The following PRKG1 variants were observed in gnomAD, a reference collection of about 807,000 sequenced individuals.
PRKG1 encodes protein kinase cGMP-dependent 1.
PRKG1 carries 35 observed loss-of-function variants against 88.1 expected under a neutral mutation model. The ratio of observed to expected loss-of-function variants is 0.40; its 90% CI spans 0.30 to 0.53. PRKG1 has a LOEUF of 0.53. Among genes scored for constraint, PRKG1 ranks in the 20% least tolerant of loss-of-function variants. PRKG1 has a pLI of 0.59. For synonymous variants in PRKG1, 303 were observed against 292.5 expected, an observed-to-expected ratio of 1.04 and a Z score of -0.37; for missense variants, 540 against 839.8, an observed-to-expected ratio of 0.64 and a Z score of 4.41.
intron 7 of PRKG1, among the ~76,000 whole-genome samples, chr10:52,063,922 T>C (rs1244521979): frequency 6.6e-6 from 1 of 152,192 alleles, no homozygotes; most frequent in African/African-American, 2.4e-5. Flanking sequence ...TGGTTAAGCC[T>C]GGGGCTTTTA....
At chr10:52,008,676 T>G (rs1589512051) in intron 5 of PRKG1, among the ~76,000 whole-genome samples, 1 of 152,128 alleles carries the variant, frequency 6.6e-6, no homozygotes, top group African/African-American at 2.4e-5. Flanking sequence ...CACAGCCAAA[T>G]TCTACAAGAT....
chr10:51,739,960 T>A (rs1837389798), intron 3 of PRKG1, among the ~76,000 whole-genome samples: 1 of 152,116 alleles, frequency 6.6e-6, no homozygotes, highest in African/African-American at 2.4e-5. Flanking sequence ...AAAATAGTAG[T>A]ACAGAGATTT....
At chr10:51,705,250 A>G (rs1412677613) in intron 3 of PRKG1, among the ~76,000 whole-genome samples, 2 of 152,140 alleles carry the variant, frequency 1.3e-5, no homozygotes, top group Non-Finnish European at 2.9e-5. Flanking sequence ...CTGGTTTGGT[A>G]CTCATTATCT....
intron 5 of PRKG1, among the ~76,000 whole-genome samples, chr10:52,053,318 A>G (rs1356583139): frequency 6.6e-6 from 1 of 152,184 alleles, no homozygotes; most frequent in African/African-American, 2.4e-5. Flanking sequence ...AACTTTCTAG[A>G]TACTCTAAGA....
intron 3 of PRKG1, chr10:51,697,275 A>G (rs1397419969): frequency 3.7e-5 from 6 of 160,272 alleles, no homozygotes; most frequent in Non-Finnish European, 6.8e-5. Context: ...GTAAACTTTT[A>G]TTTTGTTATA....
In PRKG1 at chr10:51,137,137, G is replaced by C. The variant is rs191999253; in HGVS notation, c.312-16027G>C. ...CCTGACCTCCTGATCCGCCTGCCTC[G>C]GCCTCCCAAAGTGCTGGGATTACAG... On this transcript the variant is annotated intron_variant, in intron 1 of 17. Transcript: ENST00000373980. Among the ~76,000 whole-genome samples the C allele has an allele frequency of 4.9e-4, 74 of 152,000 alleles. No homozygotes were observed. The East Asian group carries it at 0.014, about 28-fold the overall frequency.
At chr10:51,223,018 G>C (rs1373686531) in intron 2 of PRKG1, among the ~76,000 whole-genome samples, 1 of 151,672 alleles carries the variant, frequency 6.6e-6, no homozygotes, top group Non-Finnish European at 1.5e-5. Context: ...GTGTGGCGGG[G>C]GGTGGTGCGG....
Position 50,991,372 on chromosome 10 carries a change from T to G in PRKG1, c.-7T>G. ...GAAAAAGTTTCGCGGAGGGGCTCAG[T>G]GAAAAAATGAGCGAGCTAGAGGAAG... On this transcript the variant is annotated 5_prime_UTR_variant, in exon 1 of 18. Transcript: ENST00000401604. The surrounding 1 kb of genome is among the most constrained non-coding windows in gnomAD (Gnocchi z 4.5). 1 of 1,515,482 alleles carries G rather than the reference T, an allele frequency of 6.6e-7. No homozygotes were observed. The highest frequency in any genetic ancestry group is 8.8e-7 in the Non-Finnish European group (1 of 1,131,056). The allele number at this position is 1,515,482 out of a possible 1,614,324, so 93.9% of individuals were successfully genotyped here.
Position 51,664,110 on chromosome 10 carries a change from A to T in PRKG1, c.593-140475A>T, listed in dbSNP as rs188583335. Among the ~76,000 whole-genome samples the T allele has an allele frequency of 3.8e-3, 576 of 152,208 alleles. 6 individuals carry two copies. The highest frequency in any genetic ancestry group is 0.013 in the African/African-American group (535 of 41,540). The stretch of plus-strand genomic sequence containing the variant: ...CTACCCAGTGGGTTCATTTTGCTGG[A>T]ATACAATTTATATTTTCTTGAGTGA... On this transcript the variant is annotated intron_variant, in intron 3 of 17. Coordinates refer to ENST00000373980, the MANE Select transcript of PRKG1 (RefSeq NM_006258.4).
intron 5 of PRKG1, 125 bp downstream of exon 5, chr10:51,907,695 A>T: frequency 1.3e-6 from 1 of 753,100 alleles, no homozygotes. Context: ...AAGCTCTGGG[A>T]TGAGCTATAT....
chr10:51,350,689 A>G (rs1564457480), intron 2 of PRKG1, among the ~76,000 whole-genome samples: 1 of 152,220 alleles, frequency 6.6e-6, no homozygotes, highest in African/African-American at 2.4e-5. Flanking sequence ...TAAAGACTCT[A>G]CAAGAAAACT....
At chr10:51,750,841 C>T (rs1172496707) in intron 3 of PRKG1, among the ~76,000 whole-genome samples, 1 of 151,986 alleles carries the variant, frequency 6.6e-6, no homozygotes, top group Non-Finnish European at 1.5e-5. Flanking sequence ...TACCCATTAA[C>T]AACCCCTTTC....
intron 5 of PRKG1, among the ~76,000 whole-genome samples, chr10:52,008,890 A>G (rs1004025737): frequency 6.6e-6 from 1 of 152,202 alleles, no homozygotes; most frequent in African/African-American, 2.4e-5. Context: ...ATGCAAATCA[A>G]TAAATGTGAC....
At chr10:51,699,978 A>G (rs1474178073) in intron 3 of PRKG1, among the ~76,000 whole-genome samples, 3 of 152,240 alleles carry the variant, frequency 2.0e-5, no homozygotes, top group Non-Finnish European at 2.9e-5. Context: ...CCGAAAGCGG[A>G]TTTAAGGCGG....
chr10:51,522,791 A>T (rs926280721), intron 3 of PRKG1, among the ~76,000 whole-genome samples: 2 of 152,172 alleles, frequency 1.3e-5, no homozygotes, highest in East Asian at 3.9e-4. Flanking sequence ...GTCAGTGTCA[A>T]TCATAGGCAA....
chr10:51,944,079 G>A (rs1175756474), intron 5 of PRKG1, among the ~76,000 whole-genome samples: 3 of 151,924 alleles, frequency 2.0e-5, no homozygotes, highest in Non-Finnish European at 2.9e-5. Context: ...GAATCCATCT[G>A]GTCCTGGACT....
intron 3 of PRKG1, among the ~76,000 whole-genome samples, chr10:51,792,531 G>C (rs1838895290): frequency 6.6e-6 from 1 of 152,112 alleles, no homozygotes; most frequent in Admixed American, 6.6e-5. Context: ...TAAGAATATA[G>C]TGTATTGTTA....
intron 3 of PRKG1, chr10:51,699,210 G>T (rs1430793876): frequency 5.0e-6 from 8 of 1,613,992 alleles, no homozygotes; most frequent in Non-Finnish European, 5.1e-6. Flanking sequence ...TCCCCATAGG[G>T]TGAGTCAATA....
chr10:51,902,100 A>T (rs1564700273), intron 4 of PRKG1, among the ~76,000 whole-genome samples: 1 of 151,944 alleles, frequency 6.6e-6, no homozygotes, highest in Non-Finnish European at 1.5e-5. Flanking sequence ...TATAATATAA[A>T]CTTTTATTTT....
Sources: gnomAD v4.1 joint callset for allele counts (sites outside exome capture counted in the v4.1 genomes callset) on GRCh38, gnomAD v4.1.1 for gene constraint, Gnocchi (gnomAD v3.1) non-coding constraint, MANE v1.5 for transcripts, NCBI Gene and HGNC (gene_info 2026-07-23, HGNC 2026-07-21) for gene names.